The following CSMD1 variants were observed in gnomAD, a reference collection of about 807,000 sequenced individuals.
CSMD1 encodes the protein CUB and sushi domain-containing protein 1.
CSMD1 carries 213 observed loss-of-function variants against 417.5 expected under a neutral mutation model. The observed-to-expected ratio is 0.51, with a 90% CI of 0.46 to 0.57. CSMD1 has a LOEUF of 0.57. Ranked by LOEUF, CSMD1 falls within the 20% of genes least tolerant of loss-of-function variation. The pLI, the probability that CSMD1 is intolerant of heterozygous loss-of-function variation, is 0.00. For missense variants in CSMD1, 6,923 were observed against 4,529.7 expected, an observed-to-expected ratio of 1.53 and a Z score of -15.17; for synonymous variants, 2,862 against 1,736.8, an observed-to-expected ratio of 1.65 and a Z score of -16.11.
chr8:3,552,669 A>G (rs1190015805), intron 10 of CSMD1, among the ~76,000 whole-genome samples: 1 of 152,224 alleles, frequency 6.6e-6, no homozygotes, highest in Non-Finnish European at 1.5e-5. Flanking sequence ...TATTCACATC[A>G]ACATTGTTCA....
chr8:4,295,185 AGATTATGCACATAT>A (rs2128869682), intron 3 of CSMD1, among the ~76,000 whole-genome samples: 1 of 141,238 alleles, frequency 7.1e-6, no homozygotes, highest in East Asian at 2.2e-4. Context: ...TATAATCTTA[AGATTATGCACATAT>A]AATCTTAAGA....
chr8:3,568,438 G>T (rs899933906), intron 10 of CSMD1, among the ~76,000 whole-genome samples: 1 of 152,038 alleles, frequency 6.6e-6, no homozygotes, highest in Non-Finnish European at 1.5e-5. Context: ...ACTAAACAAA[G>T]AACAAATCAG....
intron 1 of CSMD1, among the ~76,000 whole-genome samples, chr8:4,748,814 C>A (rs1278344647): frequency 6.6e-6 from 1 of 152,186 alleles, no homozygotes; most frequent in Non-Finnish European, 1.5e-5. Flanking sequence ...CCATTGTGAA[C>A]ATATGCCCCT....
chr8:3,524,417 A>G (rs1267866684), intron 10 of CSMD1, among the ~76,000 whole-genome samples: 1 of 151,898 alleles, frequency 6.6e-6, no homozygotes, highest in Non-Finnish European at 1.5e-5. Context: ...ATATGCACAC[A>G]CAACCAGACA....
At chr8:3,589,571 G>GA (rs1311972989) in intron 8 of CSMD1, among the ~76,000 whole-genome samples, 2 of 152,014 alleles carry the variant, frequency 1.3e-5, no homozygotes, top group Non-Finnish European at 2.9e-5. Flanking sequence ...GTGAAATCTG[G>GA]AAAAAATAGA....
chr8:4,596,986 C>A (rs1473816308), intron 2 of CSMD1, among the ~76,000 whole-genome samples: 1 of 152,172 alleles, frequency 6.6e-6, no homozygotes, highest in African/African-American at 2.4e-5. Context: ...GTGCCTCTTT[C>A]CTCCCGCCAT....
chr8:3,705,543 G>C (rs1238251984), intron 7 of CSMD1, among the ~76,000 whole-genome samples: 1 of 152,126 alleles, frequency 6.6e-6, no homozygotes, highest in East Asian at 1.9e-4. Context: ...TTCTGAAAAA[G>C]AACGATCATA....
intron 1 of CSMD1, among the ~76,000 whole-genome samples, chr8:4,878,458 A>G (rs1030888982): frequency 1.3e-5 from 2 of 151,916 alleles, no homozygotes; most frequent in Non-Finnish European, 2.9e-5. Flanking sequence ...TTTTGGAGGA[A>G]GGTAGGTAGA....
At chr8:4,722,654 T>C (rs1174377927) in intron 1 of CSMD1, among the ~76,000 whole-genome samples, 2 of 152,060 alleles carry the variant, frequency 1.3e-5, no homozygotes, top group Non-Finnish European at 2.9e-5. Context: ...CAGCATCTCA[T>C]TACTATCCTC....
At chr8:4,681,670 C>G (rs1235208898) in intron 1 of CSMD1, among the ~76,000 whole-genome samples, 1 of 152,040 alleles carries the variant, frequency 6.6e-6, no homozygotes. Flanking sequence ...TCTCATACAT[C>G]CCCCCTTTTC....
chr8:3,619,323 A>G (rs1802302870), intron 7 of CSMD1, among the ~76,000 whole-genome samples: 1 of 152,002 alleles, frequency 6.6e-6, no homozygotes, highest in East Asian at 1.9e-4. Context: ...ATTAGTGAAC[A>G]TTTTCTACCG....
rs377701712 is a variant in CSMD1 at position 4,654,476 on chromosome 8, T to C, written c.86-16918A>G. 1.1e-3 allele frequency among the ~76,000 whole-genome samples: 167 copies of C among 152,116 alleles called. 1 individual carries two copies. The highest frequency in any genetic ancestry group is 3.8e-3 in the African/African-American group (158 of 41,426). ...GAACTTGGAGCATGAAGCCTTTCTCTCTCCACCCTGGAAACGAAGTACCAG... is the reference window on the plus strand; with the variant it reads ...GAACTTGGAGCATGAAGCCTTTCTCCCTCCACCCTGGAAACGAAGTACCAG... On this transcript the variant is annotated intron_variant, in intron 1 of 69. Transcript: ENST00000635120.
chr8:4,459,557 A>G (rs1799683529), intron 2 of CSMD1, among the ~76,000 whole-genome samples: 1 of 152,226 alleles, frequency 6.6e-6, no homozygotes. Context: ...CTTTCACTAG[A>G]GCTGCAGGCT....
At chr8:3,459,628 G>C (rs1381850311) in intron 12 of CSMD1, among the ~76,000 whole-genome samples, 3 of 152,128 alleles carry the variant, frequency 2.0e-5, no homozygotes, top group African/African-American at 7.2e-5. Flanking sequence ...CCACTGAAGG[G>C]TAACTCCCGG....
intron 11 of CSMD1, among the ~76,000 whole-genome samples, chr8:3,492,571 G>A (rs951440958): frequency 6.6e-6 from 1 of 152,220 alleles, no homozygotes; most frequent in Non-Finnish European, 1.5e-5. Flanking sequence ...CTTAAAAACA[G>A]AGAGGAAGTA....
At chr8:3,413,803 C>G (rs915615613) in intron 12 of CSMD1, among the ~76,000 whole-genome samples, 1 of 152,076 alleles carries the variant, frequency 6.6e-6, no homozygotes, top group Non-Finnish European at 1.5e-5. Context: ...GTCAAACCCC[C>G]TTCTCTCTAT....
At chr8:4,586,041 G>C (rs1475212744) in intron 2 of CSMD1, among the ~76,000 whole-genome samples, 6 of 152,092 alleles carry the variant, frequency 3.9e-5, no homozygotes, top group African/African-American at 1.4e-4. Flanking sequence ...CGCATGTAAT[G>C]GTTGTACGTA....
At chr8:4,316,096 A>G (rs1563441794) in intron 3 of CSMD1, among the ~76,000 whole-genome samples, 1 of 152,202 alleles carries the variant, frequency 6.6e-6, no homozygotes, top group Non-Finnish European at 1.5e-5. Flanking sequence ...ATTAAAAGCC[A>G]ACCACTCATT....
chr8:4,267,996 A>C (rs1014621950), intron 3 of CSMD1, among the ~76,000 whole-genome samples: 1 of 152,092 alleles, frequency 6.6e-6, no homozygotes, highest in African/African-American at 2.4e-5. Flanking sequence ...GAGATGGTGG[A>C]GGGGAGCAGA....
Sources: allele counts gnomAD v4.1 joint callset (sites outside exome capture counted in the v4.1 genomes callset), GRCh38; gene constraint gnomAD v4.1.1; transcripts MANE v1.5; gene names NCBI Gene and HGNC (gene_info 2026-07-23, HGNC 2026-07-21).